Variants in CXCL11 observed in about 807,000 individuals in gnomAD.
CXCL11 encodes the protein C-X-C motif chemokine 11.
A neutral mutation model predicts 9.7 loss-of-function variants in CXCL11; 7 were observed. The observed-to-expected ratio is 0.72, with a 90% confidence interval of 0.41 to 1.36. The LOEUF (loss-of-function observed/expected upper bound fraction) is 1.36, where lower values mean the gene tolerates loss of function less well. Among genes scored for constraint, CXCL11 ranks in the 40% most tolerant of loss-of-function variants. The probability of loss-of-function intolerance (pLI) is 0.01; values close to 1 mark genes in which losing one functional copy is unlikely to be tolerated. For missense variants in CXCL11, 107 were observed against 113.4 expected (o/e 0.94, Z 0.26); for synonymous variants, 35 against 34.4 (o/e 1.02, Z -0.06).
At chr4:76,035,644 G>A (rs1560586587) in intron 1 of CXCL11, among the ~76,000 whole-genome samples, 1 of 152,112 alleles carries the variant, frequency 6.6e-6, no homozygotes, top group Admixed American at 6.6e-5. Context: ...TAACATGATC[G>A]CTATATAAAA....
chr4:76,036,021 C>G lies in CXCL11; in HGVS notation c.-34G>C. ...TTTGCTGTTGCTGCTGGTGCTGCTG[C>G]TGCTACTTCAGCTTTGCTGCTCTTC... is the stretch of plus-strand genomic sequence containing the variant. On this transcript the variant is annotated 5_prime_UTR_variant, in exon 1 of 4. Coordinates refer to ENST00000306621, the MANE Select transcript of CXCL11 (RefSeq NM_005409.5). The G allele has an allele frequency of 6.2e-7, 1 of 1,601,994 alleles. No individual in the cohort carries two copies. Among genetic ancestry groups the G allele is most frequent in the Non-Finnish European group, 8.5e-7 (1 of 1,171,602 alleles).
chr4:76,035,919 C>G lies in CXCL11; in HGVS notation c.61+8G>C. ...CTTATAGGTTGAGAAATAAAAATTA[C>G]TGCATACCTTGAACAACTGTAGCAC... On this transcript the variant is annotated splice_region_variant and intron_variant, in intron 1 of 3. Coordinates refer to ENST00000306621, the MANE Select transcript of CXCL11 (RefSeq NM_005409.5). 1.2e-6 allele frequency: 2 copies of G among 1,611,492 alleles called. No homozygotes were observed. Among genetic ancestry groups the G allele is most frequent in the Non-Finnish European group, 1.7e-6 (2 of 1,178,512 alleles).
Position 76,034,219 on chromosome 4 carries a change from G to T in CXCL11, c.*574C>A, listed in dbSNP as rs1140835. 3 of 384,142 alleles carry T rather than the reference G, an allele frequency of 7.8e-6. No individual in the cohort carries two copies. The allele number at this position is 384,142 out of a possible 1,614,324, so 23.8% of individuals were successfully genotyped here. A position where few individuals can be genotyped will look rare whatever the true frequency, so the allele number is the denominator to read the frequency against. On this transcript the variant is annotated 3_prime_UTR_variant, in exon 4 of 4. Coordinates refer to ENST00000306621, the MANE Select transcript of CXCL11 (RefSeq NM_005409.5). ...TGCTACATGATGTTTGGGGAAAGAA[G>T]TGTGTATTTGCATGAAAAAATGTTT...
In CXCL11 at chr4:76,034,463, T is replaced by C; in HGVS notation, c.*330A>G. On this transcript the variant is annotated 3_prime_UTR_variant, in exon 4 of 4. Coordinates refer to ENST00000306621, the MANE Select transcript of CXCL11 (RefSeq NM_005409.5). ...AGCCTAGAAATGCATGAATGTATAA[T>C]GCAACAAGTAAGAACGTGAAAGCAC... 2 of 513,260 alleles carry C rather than the reference T, an allele frequency of 3.9e-6. No individual in the cohort carries two copies. Among genetic ancestry groups the C allele is most frequent in the East Asian group, 3.3e-5 (1 of 29,890 alleles). 31.8% of individuals were successfully genotyped at this position (513,260 alleles called of 1,614,324 possible).
At position 76,034,518 on chromosome 4, in the gene CXCL11, C is replaced by T. The variant is rs979958665; in HGVS notation, c.*275G>A. 5 of 521,144 alleles carry T rather than the reference C, an allele frequency of 9.6e-6. No individual in the cohort carries two copies. In the African/African-American group the frequency reaches 1.0e-4, roughly 11 times the overall value. 32.3% of individuals were successfully genotyped at this position (521,144 alleles called of 1,614,324 possible). Reference sequence around the variant, plus strand: ...TAAACTCCGATGGTAACCAGCCTTTCTTAAGGTAGCTTTTCCTAGAAATCC... The same window carrying T: ...TAAACTCCGATGGTAACCAGCCTTTTTTAAGGTAGCTTTTCCTAGAAATCC... On this transcript the variant is annotated 3_prime_UTR_variant, in exon 4 of 4. Transcript: ENST00000306621.
intron 1 of CXCL11, 128 bp from the exon 2 acceptor site, chr4:76,035,470 T>G: frequency 1.1e-6 from 1 of 877,810 alleles, no homozygotes; most frequent in Non-Finnish European, 1.7e-6. Flanking sequence ...AAATAGCACT[T>G]AACACAACTG....
Position 76,036,033 on chromosome 4 carries a change from C to A in CXCL11, c.-46G>T, listed in dbSNP as rs778827835. 2 of 1,568,330 alleles carry A rather than the reference C, an allele frequency of 1.3e-6. No homozygotes were observed. Among genetic ancestry groups the A allele is most frequent in the Non-Finnish European group, 1.8e-6 (2 of 1,140,754 alleles). ...GCTGGTGCTGCTGCTGCTACTTCAG[C>A]TTTGCTGCTCTTCTTGGAAGGAGTA... is the stretch of plus-strand genomic sequence containing the variant. On this transcript the variant is annotated 5_prime_UTR_variant, in exon 1 of 4. Coordinates refer to ENST00000306621, the MANE Select transcript of CXCL11 (RefSeq NM_005409.5).
At chr4:76,035,465 G>T in intron 1 of CXCL11, 123 bp from the exon 2 acceptor site, 1 of 932,428 alleles carries the variant, frequency 1.1e-6, no homozygotes, top group Non-Finnish European at 1.6e-6. Flanking sequence ...TTGTCAAATA[G>T]CACTTAACAC....
chr4:76,034,621 C>T lies in CXCL11; in HGVS notation c.*172G>A. 1.6e-6 allele frequency: 1 copy of T among 634,932 alleles called. No individual in the cohort carries two copies. Among genetic ancestry groups the T allele is most frequent in the Non-Finnish European group, 2.7e-6 (1 of 364,822 alleles). 39.3% of individuals were successfully genotyped at this position (634,932 alleles called of 1,614,324 possible). ...GGAAGACTGTATTTCTGTTTTTGGT[C>T]CTTTCACCCACCTTTCATCCTTCAC... is the stretch of plus-strand genomic sequence containing the variant. On this transcript the variant is annotated 3_prime_UTR_variant, in exon 4 of 4. Transcript: ENST00000306621.
chr4:76,035,331 A>C lies in CXCL11; in HGVS notation c.73T>G (p.Phe25Val), dbSNP rs757150443. The C allele has an allele frequency of 6.2e-7, 1 of 1,614,012 alleles. No homozygotes were observed. Among genetic ancestry groups the C allele is most frequent in the Admixed American group, 1.7e-5 (1 of 60,012 alleles). ...ATGCAAAGACAGCGTCCTCTTTTGA[A>C]CATGGGGAAGCCTAGAATAGATCAT... The part of the protein sequence containing the change: ...CATVVQGFPM[F>V]KRGRCLCIGP... Residue 25 changes from phenylalanine to valine, a missense_variant, in exon 2 of 4, where the codon TTC becomes GTC. Coordinates refer to ENST00000306621, the MANE Select transcript of CXCL11 (RefSeq NM_005409.5).
chr4:76,035,052 TTA>T lies in CXCL11; in HGVS notation c.254_255del (p.Ile85AsnfsTer5), dbSNP rs1560585902. 1 of 1,612,648 alleles carries T rather than the reference TTA, an allele frequency of 6.2e-7. No homozygotes were observed. Among genetic ancestry groups the T allele is most frequent in the Admixed American group, 1.7e-5 (1 of 60,006 alleles). On this transcript the variant is annotated frameshift_variant, in exon 3 of 4. Transcript: ENST00000306621. LOFTEE classifies it high-confidence loss of function. ...GGAGTAATTTGGTAACTTACTTTGATTATAAGCCTTGCTTGCTTCGATTTGGG... is the reference window on the plus strand; with the variant it reads ...GGAGTAATTTGGTAACTTACTTTGATTAAGCCTTGCTTGCTTCGATTTGGG... Reference protein sequence around the residue: ...LNPKSKQARLIIKKVERKNF With the variant: ...LNPKSKQARLXIKKVERKNF
At chr4:76,035,812 A>T (rs1366061540) in intron 1 of CXCL11, 115 bp downstream of exon 1, 2 of 906,122 alleles carry the variant, frequency 2.2e-6, no homozygotes, top group East Asian at 2.5e-5. Flanking sequence ...AGTAACTTCT[A>T]ATCTGTGAGA....
chr4:76,035,352 A>G lies in CXCL11; in HGVS notation c.62-10T>C. The G allele has an allele frequency of 6.2e-7, 1 of 1,613,128 alleles. No individual in the cohort carries two copies. The highest frequency in any genetic ancestry group is 8.5e-7 in the Non-Finnish European group (1 of 1,179,562). On this transcript the variant is annotated splice_polypyrimidine_tract_variant and intron_variant, in intron 1 of 3. Coordinates refer to ENST00000306621, the MANE Select transcript of CXCL11 (RefSeq NM_005409.5). ...TTGAACATGGGGAAGCCTAGAATAG[A>G]TCATAGCATTAGTTAGTAATGCATC...
chr4:76,035,419 G>A (rs1001939834), intron 1 of CXCL11, 77 bp from the exon 2 acceptor site: 16 of 1,464,300 alleles, frequency 1.1e-5, no homozygotes, highest in Non-Finnish European at 1.4e-5. Flanking sequence ...GGTGGTGAAC[G>A]TGAGCAGAAT....
chr4:76,033,960 C>G lies in CXCL11; in HGVS notation c.*833G>C, dbSNP rs1035918440. ...TATCATTTATACAAACGGATCAAAA[C>G]AAAAAGTACAGTAAACACACATATC... On this transcript the variant is annotated 3_prime_UTR_variant, in exon 4 of 4. Coordinates refer to ENST00000306621, the MANE Select transcript of CXCL11 (RefSeq NM_005409.5). The G allele has an allele frequency of 9.2e-5, 14 of 152,748 alleles. No individual in the cohort carries two copies. The highest frequency in any genetic ancestry group is 3.4e-4 in the African/African-American group (14 of 41,556). The allele number at this position is 152,748 out of a possible 1,614,324, so 9.5% of individuals were successfully genotyped here.
Position 76,034,746 on chromosome 4 carries a change from A to T in CXCL11, c.*47T>A. On this transcript the variant is annotated 3_prime_UTR_variant, in exon 4 of 4. Transcript: ENST00000306621. ...CAGTAGTCACAGTTAAACTTGTTCT[A>T]GGTTTTTCAGATGCTCTTTTCCAGG... 1 of 1,371,442 alleles carries T rather than the reference A, an allele frequency of 7.3e-7. No individual in the cohort carries two copies. The highest frequency in any genetic ancestry group is 1.0e-6 in the Non-Finnish European group (1 of 973,848). 85.0% of individuals were successfully genotyped at this position (1,371,442 alleles called of 1,614,324 possible). A position where few individuals can be genotyped will look rare whatever the true frequency, so the allele number is the denominator to read the frequency against.
At chr4:76,035,456 T>C in intron 1 of CXCL11, 114 bp from the exon 2 acceptor site, 2 of 1,044,348 alleles carry the variant, frequency 1.9e-6, no homozygotes, top group South Asian at 3.3e-5. Context: ...GATAGTAATT[T>C]GTCAAATAGC....
chr4:76,034,867 C>T, intron 3 of CXCL11, 51 bp from the exon 4 acceptor site: 2 of 1,510,720 alleles, frequency 1.3e-6, no homozygotes, highest in Non-Finnish European at 1.8e-6. Context: ...CTTGTTTCCC[C>T]CAGGACATCT....
rs1391882571 is a variant in CXCL11 at position 76,034,582 on chromosome 4, T to C, written c.*211A>G. On this transcript the variant is annotated 3_prime_UTR_variant, in exon 4 of 4. Coordinates refer to ENST00000306621, the MANE Select transcript of CXCL11 (RefSeq NM_005409.5). The stretch of plus-strand genomic sequence containing the variant: ...ACTCCTTTGGGCAGTGGAATTCTGA[T>C]TGTCATTCATTCAGGAAGACTGTAT... The C allele has an allele frequency of 3.4e-6, 2 of 583,880 alleles. No homozygotes were observed. The highest frequency in any genetic ancestry group is 4.5e-4 in the Middle Eastern group (1 of 2,240). 36.2% of individuals were successfully genotyped at this position (583,880 alleles called of 1,614,324 possible).
Sources: allele counts gnomAD v4.1 joint callset (sites outside exome capture counted in the v4.1 genomes callset), GRCh38; gene constraint gnomAD v4.1.1; transcripts MANE v1.5; gene names NCBI Gene and HGNC (gene_info 2026-07-23, HGNC 2026-07-21).